CD44: variants seen among roughly 807,000 people sequenced by gnomAD.
CD44 encodes CD44 antigen.
A neutral mutation model predicts 88.8 loss-of-function variants in CD44; 49 were observed. The observed-to-expected ratio is 0.55, with a 90% CI of 0.44 to 0.70. The LOEUF (loss-of-function observed/expected upper bound fraction) is 0.70. Among genes scored for constraint, CD44 ranks in the 30% least tolerant of loss-of-function variants. The pLI, the probability that CD44 is intolerant of heterozygous loss-of-function variation, is 0.00. For missense variants in CD44, 883 were observed against 913.8 expected, an observed-to-expected ratio of 0.97 and a Z score of 0.43; for synonymous variants, 325 against 312.3, an observed-to-expected ratio of 1.04 and a Z score of -0.43.
At chr11:35,166,526 T>C (rs754785193) in intron 1 of CD44, among the ~76,000 whole-genome samples, 3 of 152,194 alleles carry the variant, frequency 2.0e-5, no homozygotes, top group Non-Finnish European at 2.9e-5. Flanking sequence ...GATCATTTGG[T>C]GGCCTTGGCT....
At chr11:35,195,544 G>C (rs574403208) in intron 5 of CD44, among the ~76,000 whole-genome samples, 9 of 151,894 alleles carry the variant, frequency 5.9e-5, no homozygotes, top group Admixed American at 5.9e-4. Context: ...CATCTTCTTG[G>C]TTCATTTTTG....
chr11:35,192,688 C>T (rs912643893), intron 5 of CD44, among the ~76,000 whole-genome samples: 8 of 152,056 alleles, frequency 5.3e-5, no homozygotes, highest in Non-Finnish European at 1.2e-4. Flanking sequence ...TATTGGTGAC[C>T]TGGAACTCTC....
chr11:35,171,223 C>T (rs754576027), intron 1 of CD44, among the ~76,000 whole-genome samples: 2 of 152,200 alleles, frequency 1.3e-5, no homozygotes, highest in Non-Finnish European at 2.9e-5. Context: ...GAATGACACA[C>T]AGCCTTGAAA....
At chr11:35,176,450 T>C in intron 1 of CD44, 125 bp from the exon 2 acceptor site, 1 of 750,838 alleles carries the variant, frequency 1.3e-6, no homozygotes. Context: ...AGTGCTGGGA[T>C]TGTAGGCATG....
chr11:35,147,177 A>G (rs936489991), intron 1 of CD44, among the ~76,000 whole-genome samples: 3 of 152,218 alleles, frequency 2.0e-5, no homozygotes, highest in Non-Finnish European at 2.9e-5. Flanking sequence ...TCCATCAGCT[A>G]GAACTTTGAC....
chr11:35,140,089 A>G (rs1170601712), intron 1 of CD44, among the ~76,000 whole-genome samples: 3 of 152,198 alleles, frequency 2.0e-5, no homozygotes, highest in East Asian at 1.9e-4. Context: ...GCTTCTGCCA[A>G]TCAGTGTGGG....
rs74661652 is a variant in CD44, at chr11:35,215,032, A to G, written c.1873+118A>G. ...TGGTTCTCAAACCTTCTTAGCATAC[A>G]TCACAATTGCAGGGAGGGCTTATTA... is the stretch of plus-strand genomic sequence containing the variant. On this transcript the variant is annotated intron_variant, in intron 15 of 17. Transcript: ENST00000428726. The G allele has an allele frequency of 1.7e-3, 846 of 509,814 alleles. 6 individuals carry two copies. Among genetic ancestry groups the G allele is most frequent in the African/African-American group, 0.015 (780 of 50,674 alleles). The allele number at this position is 509,814 out of a possible 1,614,324, so 31.6% of individuals were successfully genotyped here. A position where few individuals can be genotyped will look rare whatever the true frequency, so the allele number is the denominator to read the frequency against.
chr11:35,211,302 A>G lies in CD44; in HGVS notation c.1663A>G (p.Thr555Ala), dbSNP rs1038743770. The G allele has an allele frequency of 2.5e-5, 41 of 1,613,980 alleles. No individual in the cohort carries two copies. The highest frequency in any genetic ancestry group is 3.5e-5 in the Non-Finnish European group (41 of 1,179,904). ...RDPNHSEGSTTLLEGYTSHYP... is the reference protein window; with the variant it reads ...RDPNHSEGSTALLEGYTSHYP... Reference sequence around the variant, plus strand: ...CCCAAATCATTCTGAAGGCTCAACTACTTTACTGGAAGGTTATACCTCTCA... The same window carrying G: ...CCCAAATCATTCTGAAGGCTCAACTGCTTTACTGGAAGGTTATACCTCTCA... The change falls in exon 14 of 18, where the codon ACT becomes GCT. Residue 555 changes from threonine (T) to alanine (A), a missense_variant. Physicochemically the swap from Thr to Ala is moderately conservative, Grantham distance 58. Transcript: ENST00000428726.
intron 5 of CD44, among the ~76,000 whole-genome samples, chr11:35,194,818 A>G (rs1221151797): frequency 6.6e-6 from 1 of 152,248 alleles, no homozygotes; most frequent in Non-Finnish European, 1.5e-5. Context: ...TTTTGAATGA[A>G]TGAATGAAAT....
chr11:35,198,033 C>A (rs1169464728), intron 6 of CD44, 88 bp from the exon 7 acceptor site: 46 of 1,414,424 alleles, frequency 3.3e-5, no homozygotes, highest in Non-Finnish European at 4.2e-5. Context: ...CCTGGGAAAT[C>A]CATTATACCT....
chr11:35,221,837 G>T lies in CD44; in HGVS notation c.2024+105G>T, dbSNP rs995980041. 41 of 1,032,848 alleles carry T rather than the reference G, an allele frequency of 4.0e-5. 1 individual carries two copies. The Admixed American group carries it at 7.2e-4, about 18-fold the overall frequency. 64.0% of individuals were successfully genotyped at this position (1,032,848 alleles called of 1,614,324 possible). A position where few individuals can be genotyped will look rare whatever the true frequency, so the allele number is the denominator to read the frequency against. ...GTAGTCCCTGGAACCAGCAGCCTGGGTACCCTGGGAGTTTGTTGGAAATGC... is the reference window on the plus strand; with the variant it reads ...GTAGTCCCTGGAACCAGCAGCCTGGTTACCCTGGGAGTTTGTTGGAAATGC... On this transcript the variant is annotated intron_variant, in intron 17 of 17. Coordinates refer to ENST00000428726, the MANE Select transcript of CD44 (RefSeq NM_000610.4).
chr11:35,208,123 GTA>G lies in CD44; in HGVS notation c.1436_1437del (p.Ile479AsnfsTer30), dbSNP rs749530503. Reference sequence around the variant, plus strand: ...CCTTCAGATATGGACTCCAGTCATAGTATAACGCTTCAGCCTACTGCAAATCC... The same window carrying G: ...CCTTCAGATATGGACTCCAGTCATAGTAACGCTTCAGCCTACTGCAAATCC... On this transcript the variant is annotated frameshift_variant, in exon 12 of 18. Transcript: ENST00000428726. LOFTEE classifies it high-confidence loss of function. 1.9e-6 allele frequency: 3 copies of G among 1,607,090 alleles called. No homozygotes were observed. In the South Asian group the frequency reaches 3.3e-5, roughly 18 times the overall value.
At chr11:35,218,520 G>T (rs1222984194) in intron 15 of CD44, among the ~76,000 whole-genome samples, 2 of 151,920 alleles carry the variant, frequency 1.3e-5, no homozygotes, top group African/African-American at 2.4e-5. Context: ...GTAGAGACGG[G>T]GTTTCACCAT....
chr11:35,204,177 TCAGA>T (rs1021278191), intron 9 of CD44, among the ~76,000 whole-genome samples: 9 of 152,194 alleles, frequency 5.9e-5, no homozygotes, highest in Admixed American at 2.0e-4. Context: ...AATGGTTTTC[TCAGA>T]CAGGGTATGT....
intron 1 of CD44, among the ~76,000 whole-genome samples, chr11:35,157,002 C>G (rs1244802858): frequency 6.6e-6 from 1 of 152,116 alleles, no homozygotes; most frequent in Non-Finnish European, 1.5e-5. Flanking sequence ...CTACTGCACT[C>G]CAGCCTGGGT....
intron 1 of CD44, among the ~76,000 whole-genome samples, chr11:35,170,396 T>C (rs3829268): frequency 0.16 from 24,523 of 152,136 alleles, 1,974 homozygotes; most frequent in South Asian, 0.24. Context: ...TCTTCCCATG[T>C]GGGTAGGGAG....
intron 11 of CD44, 117 bp downstream of exon 11, chr11:35,206,360 T>A (rs577934455): frequency 2.0e-6 from 2 of 1,018,806 alleles, no homozygotes; most frequent in African/African-American, 1.7e-5. Context: ...CTGAAGGACC[T>A]GAGGTTCTTC....
At chr11:35,139,585 A>G (rs1857485511) in intron 1 of CD44, 1 of 762,672 alleles carries the variant, frequency 1.3e-6, no homozygotes, top group South Asian at 1.4e-5. Context: ...AAAAAGAGAA[A>G]GAGAAGAAAG....
chr11:35,201,841 C>G, intron 9 of CD44, 54 bp downstream of exon 9: 1 of 1,570,584 alleles, frequency 6.4e-7, no homozygotes. Flanking sequence ...TAAAGACATT[C>G]CAGCAATAGG....
Sources: gnomAD v4.1 joint callset for allele counts (sites outside exome capture counted in the v4.1 genomes callset) on GRCh38, gnomAD v4.1.1 for gene constraint, MANE v1.5 for transcripts, NCBI Gene and HGNC (gene_info 2026-07-23, HGNC 2026-07-21) for gene names.